FAM237A: variants seen among roughly 807,000 people sequenced by gnomAD.
FAM237A encodes family with sequence similarity 237 member A.
A neutral mutation model predicts 12.5 loss-of-function variants in FAM237A; 14 were observed. The ratio of observed to expected loss-of-function variants is 1.12; its 90% CI spans 0.74 to 1.75. The LOEUF (loss-of-function observed/expected upper bound fraction) is 1.75, where lower values mean the gene tolerates loss of function less well. Ranked by LOEUF, FAM237A falls within the 40% of genes most tolerant of loss-of-function variation. The pLI, the probability that FAM237A is intolerant of heterozygous loss-of-function variation, is 0.00. For synonymous variants in FAM237A, 85 were observed against 77.5 expected, an observed-to-expected ratio of 1.10 and a Z score of -0.51; for missense variants, 240 against 211.7, an observed-to-expected ratio of 1.13 and a Z score of -0.83.
intron 1 of FAM237A, 102 bp from the exon 2 acceptor site, chr2:206,644,123 ATG>A: frequency 9.4e-7 from 1 of 1,058,938 alleles, no homozygotes; most frequent in Non-Finnish European, 1.3e-6. Flanking sequence ...TGTGACAATG[ATG>A]TGTTTCCTTT....
intron 2 of FAM237A, among the ~76,000 whole-genome samples, chr2:206,647,939 A>G (rs557752922): frequency 1.1e-4 from 17 of 152,282 alleles, no homozygotes; most frequent in African/African-American, 3.6e-4. Flanking sequence ...GAAAATTAAA[A>G]TTTAGATTTA....
At chr2:206,644,773 A>C in intron 2 of FAM237A, 125 bp downstream of exon 2, 1 of 920,096 alleles carries the variant, frequency 1.1e-6, no homozygotes, top group Non-Finnish European at 1.6e-6. Flanking sequence ...CAAGAGGTGA[A>C]CCCCAAGAGC....
At chr2:206,644,165 T>C (rs1194563534) in intron 1 of FAM237A, 62 bp from the exon 2 acceptor site, 4 of 1,408,200 alleles carry the variant, frequency 2.8e-6, no homozygotes, top group Non-Finnish European at 3.8e-6. Context: ...AGGGCATACT[T>C]ATTTTCTTTA....
chr2:206,642,779 A>G lies in FAM237A; in HGVS notation c.-11+197A>G, dbSNP rs999814122. On this transcript the variant is annotated intron_variant, in intron 1 of 2. Coordinates refer to ENST00000441223, the MANE Select transcript of FAM237A (RefSeq NM_001102659.3). The surrounding 1 kb of genome is among the most constrained non-coding windows in gnomAD (Gnocchi z 5.1). ...TCTCCTAAAATTTAGAAGGGGACCT[A>G]AAGGAGCCAATTTGAGCGCCGTGGC... Among the ~76,000 whole-genome samples the G allele has an allele frequency of 1.1e-4, 16 of 152,218 alleles. No individual in the cohort carries two copies. The highest frequency in any genetic ancestry group is 2.1e-4 in the Non-Finnish European group (14 of 68,032).
chr2:206,646,351 A>G (rs1317443049), intron 2 of FAM237A, among the ~76,000 whole-genome samples: 1 of 152,184 alleles, frequency 6.6e-6, no homozygotes, highest in Middle Eastern at 3.2e-3. Context: ...ATCACCAGCA[A>G]TATCTTTTTC....
At position 206,644,583 on chromosome 2, in the gene FAM237A, G is replaced by C. The variant is rs778256053; in HGVS notation, c.347G>C (p.Arg116Thr). Reference sequence around the variant, plus strand: ...TCTAGGAACCATGGCTTAGGAAGGAGGCAATTGGTTGGAGAGGAAGAGAAA... The same window carrying C: ...TCTAGGAACCATGGCTTAGGAAGGACGCAATTGGTTGGAGAGGAAGAGAAA... The part of the protein sequence containing the change: ...VLSRNHGLGR[R>T]QLVGEEEKIS... The change falls in exon 2 of 3, where the codon AGG becomes ACG. Residue 116 changes from arginine (R) to threonine (T), a missense_variant. Coordinates refer to ENST00000441223, the MANE Select transcript of FAM237A (RefSeq NM_001102659.3). 7 of 1,611,588 alleles carry C rather than the reference G, an allele frequency of 4.3e-6. No individual in the cohort carries two copies. Among genetic ancestry groups the C allele is most frequent in the Non-Finnish European group, 5.9e-6 (7 of 1,179,128 alleles).
chr2:206,647,857 A>C (rs1699336650), intron 2 of FAM237A, among the ~76,000 whole-genome samples: 1 of 152,162 alleles, frequency 6.6e-6, no homozygotes, highest in Non-Finnish European at 1.5e-5. Context: ...AGGGACAAAA[A>C]GCCTGCCTTC....
rs1699347570 is a variant in FAM237A at position 206,648,668 on chromosome 2, T to C, written c.420T>C (p.Tyr140=). 1.3e-6 allele frequency: 2 copies of C among 1,589,396 alleles called. No individual in the cohort carries two copies. The highest frequency in any genetic ancestry group is 1.7e-6 in the Non-Finnish European group (2 of 1,168,740). ...PQHTRSKQGT[Y]SQLLRTSFLK... Reference sequence around the variant, plus strand: ...CCGCTTTTCTACTTTCAGGTACATATTCTCAGCTCCTAAGGACCTCCTTCC... The same window carrying C: ...CCGCTTTTCTACTTTCAGGTACATACTCTCAGCTCCTAAGGACCTCCTTCC... Residue 140 remains tyrosine (Y), a synonymous_variant, in exon 3 of 3, where the codon TAT becomes TAC. Coordinates refer to ENST00000441223, the MANE Select transcript of FAM237A (RefSeq NM_001102659.3).
chr2:206,647,591 A>G (rs1031813226), intron 2 of FAM237A, among the ~76,000 whole-genome samples: 3 of 151,482 alleles, frequency 2.0e-5, no homozygotes, highest in Admixed American at 6.6e-5. Flanking sequence ...TTGATGGGTT[A>G]TGTTAAGGGA....
At position 206,644,624 on chromosome 2, in the gene FAM237A, C is replaced by A. The variant is rs202031652; in HGVS notation, c.388C>A (p.Pro130Thr). Residue 130 changes from proline (P) to threonine (T), a missense_variant, in exon 2 of 3, where the codon CCA becomes ACA. Transcript: ENST00000441223. ...GGAAGAGAAAATCTCAGCAGCGCAG[C>A]CACAGCACACAAGGAGTAAACAAGG... ...GEEEKISAAQ[P>T]QHTRSKQGTY... 4.3e-3 allele frequency: 6,812 copies of A among 1,593,914 alleles called. 18 individuals are homozygous for A. Among genetic ancestry groups the A allele is most frequent in the Middle Eastern group, 5.9e-3 (35 of 5,944 alleles).
chr2:206,647,636 C>CAG (rs1553569915), intron 2 of FAM237A, among the ~76,000 whole-genome samples: 3 of 122,068 alleles, frequency 2.5e-5, no homozygotes, highest in African/African-American at 8.0e-5. Context: ...CACACAGACA[C>CAG]ACACACACAC....
Position 206,644,656 on chromosome 2 carries a change from AC to A in FAM237A, c.412+12del. ...ACACAAGGAGTAAACAAGGTGGTCA[AC>A]CCCAGCTCCCATGTCTTTTGAAAGG... is the stretch of plus-strand genomic sequence containing the variant. On this transcript the variant is annotated intron_variant, in intron 2 of 2. Coordinates refer to ENST00000441223, the MANE Select transcript of FAM237A (RefSeq NM_001102659.3). The A allele has an allele frequency of 6.5e-7, 1 of 1,541,304 alleles. No homozygotes were observed. The highest frequency in any genetic ancestry group is 8.7e-7 in the Non-Finnish European group (1 of 1,148,736).
chr2:206,649,365 A>C lies in FAM237A; in HGVS notation c.*571A>C, dbSNP rs766064703. 6.6e-6 allele frequency among the ~76,000 whole-genome samples: 1 copy of C among 152,226 alleles called. No individual in the cohort carries two copies. Among genetic ancestry groups the C allele is most frequent in the Non-Finnish European group, 1.5e-5 (1 of 68,032 alleles). On this transcript the variant is annotated 3_prime_UTR_variant, in exon 3 of 3. Transcript: ENST00000441223. ...AAAATTAATAAAAGCTCTGGACCCC[A>C]GGTAATGTTATTGGAGTCTCTTTAT...
chr2:206,648,333 G>C (rs1006177832), intron 2 of FAM237A, among the ~76,000 whole-genome samples: 3 of 151,996 alleles, frequency 2.0e-5, no homozygotes, highest in African/African-American at 7.2e-5. Context: ...ATTTTGAGTG[G>C]TTTACATTTT....
Position 206,644,352 on chromosome 2 carries a change from T to G in FAM237A, c.116T>G (p.Leu39Trp), listed in dbSNP as rs200734084. The change falls in exon 2 of 3, where the codon TTG (leucine) becomes TGG (tryptophan). Residue 39 changes from leucine to tryptophan, a missense_variant. By Grantham distance (61) the Leu-to-Trp change is moderately conservative (BLOSUM62 -2). Coordinates refer to ENST00000441223, the MANE Select transcript of FAM237A (RefSeq NM_001102659.3). Reference protein sequence around the residue: ...SPFFCHSQTDLLALSQADPQC... With the variant: ...SPFFCHSQTDWLALSQADPQC... ...TTCTTCTGCCATAGCCAGACAGACT[T>G]GCTGGCTCTTAGCCAAGCTGATCCT... The G allele has an allele frequency of 5.8e-5, 94 of 1,613,580 alleles. No homozygotes were observed. Among genetic ancestry groups the G allele is most frequent in the Non-Finnish European group, 1.2e-5 (14 of 1,179,728 alleles).
In FAM237A at chr2:206,644,395, C is replaced by T. The variant is rs756387289; in HGVS notation, c.159C>T (p.Ser53=). The change falls in exon 2 of 3, where the codon TCC becomes TCT. Residue 53 remains serine (S), a synonymous_variant. Coordinates refer to ENST00000441223, the MANE Select transcript of FAM237A (RefSeq NM_001102659.3). ...CTGATCCTCAGTGCTGGGAATCCTCCTCAGTGCTTCTCCTGGAAATGTGGA... is the reference window on the plus strand; with the variant it reads ...CTGATCCTCAGTGCTGGGAATCCTCTTCAGTGCTTCTCCTGGAAATGTGGA... The part of the protein sequence containing the change: ...SQADPQCWES[S]SVLLLEMWKP... 10 of 1,613,710 alleles carry T rather than the reference C, an allele frequency of 6.2e-6. No homozygotes were observed. Among genetic ancestry groups the T allele is most frequent in the Middle Eastern group, 1.6e-4 (1 of 6,082 alleles).
Position 206,643,210 on chromosome 2 carries a change from A to G in FAM237A, c.-11+628A>G, listed in dbSNP as rs1156949361. On this transcript the variant is annotated intron_variant, in intron 1 of 2. Transcript: ENST00000441223. Reference sequence around the variant, plus strand: ...GCTGTATTTTGCTTGCTTTCATGATACTAACATCTAAAAGGTTTGGAAATA... The same window carrying G: ...GCTGTATTTTGCTTGCTTTCATGATGCTAACATCTAAAAGGTTTGGAAATA... Among the ~76,000 whole-genome samples the G allele has an allele frequency of 2.0e-5, 3 of 152,304 alleles. No individual in the cohort carries two copies. In the East Asian group the frequency reaches 5.8e-4, roughly 29 times the overall value.
intron 2 of FAM237A, among the ~76,000 whole-genome samples, chr2:206,647,341 A>AC (rs1264818392): frequency 2.6e-5 from 4 of 152,162 alleles, no homozygotes; most frequent in Non-Finnish European, 5.9e-5. Context: ...GAAGAGCTTC[A>AC]CCCCAAGGAC....
At position 206,648,958 on chromosome 2, in the gene FAM237A, A is replaced by T. The variant is rs1699352779; in HGVS notation, c.*164A>T. 2.5e-6 allele frequency: 1 copy of T among 405,598 alleles called. No individual in the cohort carries two copies. Among genetic ancestry groups the T allele is most frequent in the South Asian group, 5.0e-5 (1 of 19,912 alleles). 25.1% of individuals were successfully genotyped at this position (405,598 alleles called of 1,614,324 possible). On this transcript the variant is annotated 3_prime_UTR_variant, in exon 3 of 3. Transcript: ENST00000441223. ...AATTTAAAGCTGCCTTCTATTATTT[A>T]TTTATTTATTTTAGGCTGCTAGCAT... is the stretch of plus-strand genomic sequence containing the variant.
Sources: gnomAD v4.1 joint callset for allele counts (sites outside exome capture counted in the v4.1 genomes callset) on GRCh38, gnomAD v4.1.1 for gene constraint, Gnocchi (gnomAD v3.1) non-coding constraint, MANE v1.5 for transcripts, NCBI Gene and HGNC (gene_info 2026-07-23, HGNC 2026-07-21) for gene names.